The following RAVER2 variants were observed in gnomAD, a reference collection of about 807,000 sequenced individuals.
The protein encoded by RAVER2 is ribonucleoprotein, PTB binding 2, also known as ribonucleoprotein PTB-binding 2.
Under a neutral mutation model 78.1 loss-of-function variants are expected in RAVER2, and 46 were observed. The ratio of observed to expected loss-of-function variants is 0.59; its 90% CI spans 0.46 to 0.75. The LOEUF (loss-of-function observed/expected upper bound fraction) is 0.75. RAVER2 is among the 30% of genes least tolerant of loss of function. RAVER2 has a pLI of 0.00. For synonymous variants in RAVER2, 311 were observed against 313.3 expected, an observed-to-expected ratio of 0.99 and a Z score of 0.08; for missense variants, 793 against 837.5, an observed-to-expected ratio of 0.95 and a Z score of 0.66.
chr1:64,814,087 C>T (rs2100888682), intron 10 of RAVER2, among the ~76,000 whole-genome samples: 2 of 151,716 alleles, frequency 1.3e-5, no homozygotes, highest in South Asian at 4.2e-4. Flanking sequence ...CCATGCCCAG[C>T]TAATTTTGTG....
chr1:64,808,840 T>C (rs932147548), intron 9 of RAVER2, among the ~76,000 whole-genome samples: 1 of 152,196 alleles, frequency 6.6e-6, no homozygotes, highest in African/African-American at 2.4e-5. Flanking sequence ...ATTACACAAA[T>C]AAAACTTGTA....
chr1:64,759,031 T>C (rs1407522481), intron 1 of RAVER2, among the ~76,000 whole-genome samples: 1 of 151,774 alleles, frequency 6.6e-6, no homozygotes, highest in African/African-American at 2.4e-5. Context: ...TCTTGGGATG[T>C]CTGCAAGCAA....
intron 4 of RAVER2, among the ~76,000 whole-genome samples, chr1:64,785,834 G>A (rs145568561): frequency 6.6e-6 from 1 of 152,042 alleles, no homozygotes; most frequent in Non-Finnish European, 1.5e-5. Flanking sequence ...TTTTATGGTT[G>A]TGGCTTTGCA....
chr1:64,771,984 C>T (rs1008729273), intron 2 of RAVER2, among the ~76,000 whole-genome samples: 1 of 152,046 alleles, frequency 6.6e-6, no homozygotes, highest in Admixed American at 6.6e-5. Flanking sequence ...AGTTTTGGCA[C>T]ATGCTTGCCT....
chr1:64,800,856 T>C (rs2100868434), intron 5 of RAVER2, among the ~76,000 whole-genome samples: 1 of 152,276 alleles, frequency 6.6e-6, no homozygotes, highest in South Asian at 2.1e-4. Flanking sequence ...ATCTCACTGA[T>C]ATCATTCTAC....
At chr1:64,825,046 G>A (rs1653976705) in intron 11 of RAVER2, among the ~76,000 whole-genome samples, 1 of 151,136 alleles carries the variant, frequency 6.6e-6, no homozygotes, top group Non-Finnish European at 1.5e-5. Context: ...AAGACAAGTA[G>A]CTGAGAGGCA....
At chr1:64,771,397 A>G (rs2100826290) in intron 2 of RAVER2, among the ~76,000 whole-genome samples, 1 of 152,174 alleles carries the variant, frequency 6.6e-6, no homozygotes, top group East Asian at 1.9e-4. Context: ...CATCACCATT[A>G]GACTTGCACT....
At chr1:64,826,021 G>A (rs1237674878) in intron 11 of RAVER2, among the ~76,000 whole-genome samples, 2 of 152,226 alleles carry the variant, frequency 1.3e-5, no homozygotes, top group East Asian at 3.8e-4. Context: ...GGCTCTAGTA[G>A]ATTACGGTGT....
chr1:64,814,928 A>G, intron 11 of RAVER2, 88 bp downstream of exon 11: 2 of 1,185,238 alleles, frequency 1.7e-6, no homozygotes, highest in Non-Finnish European at 2.2e-6. Flanking sequence ...TGATTTCTAT[A>G]TTATTAACGT....
intron 1 of RAVER2, among the ~76,000 whole-genome samples, chr1:64,760,962 C>G (rs1652003153): frequency 1.3e-5 from 2 of 152,178 alleles, no homozygotes. Context: ...AGCTGTGTCA[C>G]AAACTGTCTG....
At position 64,774,494 on chromosome 1, in the gene RAVER2, G is replaced by C. The variant is rs564337437; in HGVS notation, c.317-3129G>C. Among the ~76,000 whole-genome samples the C allele has an allele frequency of 2.6e-5, 4 of 152,226 alleles. No individual in the cohort carries two copies. The South Asian group carries it at 8.3e-4, about 32-fold the overall frequency. On this transcript the variant is annotated intron_variant, in intron 2 of 11. Transcript: ENST00000294428. ...AAAGATCAGATGGTTGTAGATGTGT[G>C]GTGTTATTTCTGAGGCCTCTGTTCT...
chr1:64,768,519 G>C, intron 1 of RAVER2, 137 bp from the exon 2 acceptor site: 1 of 637,486 alleles, frequency 1.6e-6, no homozygotes, highest in East Asian at 2.8e-5. Context: ...TAAGTAATGG[G>C]GATCCATGAA....
At chr1:64,777,776 A>G (rs758080962) in exon 3 of RAVER2, 4 of 1,614,102 alleles carry the variant, frequency 2.5e-6, no homozygotes, top group Non-Finnish European at 3.4e-6. Context: ...ACATCAGAAG[A>G]GTTTGAAGAA....
At chr1:64,768,592 A>C in intron 1 of RAVER2, 64 bp from the exon 2 acceptor site, 23 of 999,356 alleles carry the variant, frequency 2.3e-5, no homozygotes, top group Non-Finnish European at 3.0e-5. Context: ...GTAGGCTAAT[A>C]GAGCTAGATT....
chr1:64,750,274 T>G (rs976792763), intron 1 of RAVER2, among the ~76,000 whole-genome samples: 5 of 151,980 alleles, frequency 3.3e-5, no homozygotes, highest in African/African-American at 1.2e-4. Context: ...GTAATTAAAT[T>G]TTTTTCTGCT....
At chr1:64,810,648 G>A (rs1214813441) in intron 9 of RAVER2, among the ~76,000 whole-genome samples, 1 of 152,120 alleles carries the variant, frequency 6.6e-6, no homozygotes, top group African/African-American at 2.4e-5. Flanking sequence ...TCTCATTGTG[G>A]TTTTGATTTG....
chr1:64,830,712 T>G, intron 11 of RAVER2, 127 bp from the exon 12 acceptor site: 1 of 790,514 alleles, frequency 1.3e-6, no homozygotes, highest in African/African-American at 1.8e-5. Flanking sequence ...TATTTTTTGA[T>G]AGTTTGGGTA....
chr1:64,817,199 A>G (rs1332675018), intron 11 of RAVER2, among the ~76,000 whole-genome samples: 2 of 152,208 alleles, frequency 1.3e-5, no homozygotes, highest in Non-Finnish European at 2.9e-5. Context: ...CAAAACCACA[A>G]TGAGATACCA....
chr1:64,754,236 G>A (rs1651787130), intron 1 of RAVER2, among the ~76,000 whole-genome samples: 1 of 152,122 alleles, frequency 6.6e-6, no homozygotes, highest in Non-Finnish European at 1.5e-5. Context: ...CTAATTGGTG[G>A]TAGAGTGGAG....
Sources: gnomAD v4.1 joint callset for allele counts (sites outside exome capture counted in the v4.1 genomes callset) on GRCh38, gnomAD v4.1.1 for gene constraint, MANE v1.5 for transcripts, NCBI Gene and HGNC (gene_info 2026-07-23, HGNC 2026-07-21) for gene names.